The following VRK2 variants were observed in gnomAD, a reference collection of about 807,000 sequenced individuals.
The protein encoded by VRK2 is VRK serine/threonine kinase 2, also known as serine/threonine-protein kinase VRK2.
In VRK2, 60 loss-of-function variants were observed where a neutral mutation model predicts 57.6. That is an observed-to-expected ratio of 1.04 (90% CI 0.85 to 1.29). The LOEUF is 1.29. VRK2 is among the 50% of genes most tolerant of loss of function. The pLI is 0.00. For synonymous variants in VRK2, 231 were observed against 199.2 expected (o/e 1.16, Z -1.35); for missense variants, 705 against 588.1 (o/e 1.20, Z -2.06).
intron 1 of VRK2, among the ~76,000 whole-genome samples, chr2:58,014,721 T>C (rs530961409): frequency 1.3e-5 from 2 of 152,226 alleles, no homozygotes; most frequent in Non-Finnish European, 2.9e-5. Context: ...GAAAAATTTA[T>C]AGCCTAGTAT....
chr2:57,922,594 T>A (rs1173834981), intron 1 of VRK2, among the ~76,000 whole-genome samples: 3 of 151,510 alleles, frequency 2.0e-5, no homozygotes, highest in Non-Finnish European at 4.4e-5. Context: ...TAGTATACAA[T>A]TTTTTTTAGA....
intron 1 of VRK2, among the ~76,000 whole-genome samples, chr2:58,023,062 C>T (rs1176051041): frequency 6.6e-6 from 1 of 152,164 alleles, no homozygotes; most frequent in Non-Finnish European, 1.5e-5. Flanking sequence ...TCTGCAACAT[C>T]ACCACCAACC....
At chr2:57,996,308 G>A (rs1324260931) in intron 1 of VRK2, among the ~76,000 whole-genome samples, 1 of 152,152 alleles carries the variant, frequency 6.6e-6, no homozygotes, top group Non-Finnish European at 1.5e-5. Flanking sequence ...AAATGGTTCT[G>A]TAGACATCCA....
chr2:57,917,394 T>C (rs1035783744), intron 1 of VRK2, among the ~76,000 whole-genome samples: 1 of 151,720 alleles, frequency 6.6e-6, no homozygotes, highest in Non-Finnish European at 1.5e-5. Context: ...AGACGAGTCT[T>C]TCATAGAGTG....
At chr2:57,929,777 A>G (rs1670659697) in intron 1 of VRK2, among the ~76,000 whole-genome samples, 1 of 152,072 alleles carries the variant, frequency 6.6e-6, no homozygotes, top group African/African-American at 2.4e-5. Flanking sequence ...TCAGCAGGTG[A>G]CGAATCCTTC....
At chr2:58,042,939 G>C (rs1674519680), upstream of VRK2, among the ~76,000 whole-genome samples, 1 of 151,240 alleles carries the variant, frequency 6.6e-6, no homozygotes, top group African/African-American at 2.4e-5. Flanking sequence ...TCTATATTCT[G>C]TCAGTTTTCA....
intron 5 of VRK2, among the ~76,000 whole-genome samples, chr2:58,088,103 A>G (rs1194160667): frequency 6.6e-6 from 1 of 152,222 alleles, no homozygotes; most frequent in Non-Finnish European, 1.5e-5. Flanking sequence ...TCATTATGTA[A>G]AACAGTGTGA....
intron 7 of VRK2, among the ~76,000 whole-genome samples, chr2:58,107,140 A>G (rs554065851): frequency 1.2e-3 from 188 of 150,894 alleles, no homozygotes; most frequent in African/African-American, 4.5e-3. Flanking sequence ...TATTGTGAAG[A>G]TTTTTGCCTT....
intron 1 of VRK2, among the ~76,000 whole-genome samples, chr2:57,965,795 A>G (rs1671898835): frequency 1.3e-5 from 2 of 152,156 alleles, no homozygotes; most frequent in African/African-American, 4.8e-5. Flanking sequence ...AGGTGATCCA[A>G]TATAGAGGCC....
upstream of VRK2, among the ~76,000 whole-genome samples, chr2:58,044,336 G>A (rs1259276347): frequency 6.6e-6 from 1 of 152,150 alleles, no homozygotes; most frequent in Non-Finnish European, 1.5e-5. Flanking sequence ...CTCAGCACAT[G>A]CTTATTTTGT....
chr2:58,096,045 T>C (rs1673081627), intron 7 of VRK2, among the ~76,000 whole-genome samples: 2 of 152,118 alleles, frequency 1.3e-5, no homozygotes, highest in African/African-American at 4.8e-5. Context: ...TTAACATCTA[T>C]AGAAGTAATC....
chr2:58,082,672 G>T (rs1212354254), intron 2 of VRK2, among the ~76,000 whole-genome samples: 1 of 151,850 alleles, frequency 6.6e-6, no homozygotes, highest in East Asian at 1.9e-4. Flanking sequence ...TCTTCCTGCA[G>T]TTTCCTTGGG....
chr2:58,116,336 C>A (rs181110786), intron 7 of VRK2, among the ~76,000 whole-genome samples: 1 of 149,178 alleles, frequency 6.7e-6, no homozygotes, highest in East Asian at 1.9e-4. Context: ...CAATGAGATG[C>A]GGCTATAGTC....
intron 8 of VRK2, among the ~76,000 whole-genome samples, chr2:58,124,773 T>C (rs1204325591): frequency 6.6e-6 from 1 of 152,182 alleles, no homozygotes; most frequent in Non-Finnish European, 1.5e-5. Flanking sequence ...GAAAGATTCA[T>C]AGGCTTGATT....
chr2:58,096,213 G>A (rs1197619807), intron 7 of VRK2, among the ~76,000 whole-genome samples: 2 of 151,920 alleles, frequency 1.3e-5, no homozygotes, highest in Non-Finnish European at 2.9e-5. Context: ...ATTGATATTC[G>A]TAAGTGATAT....
chr2:58,103,595 G>C (rs908687501), intron 7 of VRK2, among the ~76,000 whole-genome samples: 1 of 151,398 alleles, frequency 6.6e-6, no homozygotes, highest in African/African-American at 2.4e-5. Flanking sequence ...AGATAGAATC[G>C]GTAATAGAAA....
chr2:57,922,427 T>C (rs200900133), intron 1 of VRK2, among the ~76,000 whole-genome samples: 1 of 126,680 alleles, frequency 7.9e-6, no homozygotes, highest in African/African-American at 3.0e-5. Context: ...CACGCTAACA[T>C]AACCATCACC....
intron 12 of VRK2, among the ~76,000 whole-genome samples, chr2:58,157,338 G>A (rs887550890): frequency 6.6e-6 from 1 of 152,110 alleles, no homozygotes; most frequent in Non-Finnish European, 1.5e-5. Context: ...CAGCTGCACT[G>A]TTGACATTTG....
chr2:58,078,722 G>T (rs763891069), intron 2 of VRK2, among the ~76,000 whole-genome samples: 26 of 152,036 alleles, frequency 1.7e-4, no homozygotes, highest in Non-Finnish European at 3.4e-4. Context: ...ATGGATAGGG[G>T]GTGATATTGT....
Sources: allele counts gnomAD v4.1 joint callset (sites outside exome capture counted in the v4.1 genomes callset), GRCh38; gene constraint gnomAD v4.1.1; transcripts MANE v1.5; gene names NCBI Gene and HGNC (gene_info 2026-07-23, HGNC 2026-07-21).